The following SYNC variants were observed in gnomAD, a reference collection of about 807,000 sequenced individuals.
The protein encoded by SYNC is syncoilin.
In SYNC, 38 loss-of-function variants were observed where a neutral mutation model predicts 49.5. That is an observed-to-expected ratio of 0.77 (90% confidence interval 0.59 to 1.01). The LOEUF (loss-of-function observed/expected upper bound fraction) is 1.01. Among genes scored for constraint, SYNC ranks in the 50% least tolerant of loss-of-function variants. The pLI, the probability that SYNC is intolerant of heterozygous loss-of-function variation, is 0.00. For synonymous variants in SYNC, 201 were observed against 230.8 expected, an observed-to-expected ratio of 0.87 and a Z score of 1.17; for missense variants, 579 against 580.6, an observed-to-expected ratio of 1.00 and a Z score of 0.03.
upstream of SYNC, chr1:32,703,157 G>A (rs1353912267): frequency 6.6e-6 from 1 of 152,132 alleles, no homozygotes; most frequent in Non-Finnish European, 1.5e-5. Flanking sequence ...CCCAAGAGGG[G>A]AAGGGCCGCA....
intron 1 of SYNC, among the ~76,000 whole-genome samples, chr1:32,696,513 T>C (rs1249110931): frequency 6.6e-6 from 1 of 151,798 alleles, no homozygotes; most frequent in East Asian, 1.9e-4. Context: ...AGTGGTGCGA[T>C]CTTGGCTCAC....
chr1:32,695,315 C>T lies in SYNC; in HGVS notation c.783G>A (p.Glu261=), dbSNP rs1316864160. ...KECVAYQYQL[E]CRQQDVAQFA... ...ACTGAGCCACGTCCTGCTGGCGGCA[C>T]TCCAGCTGGTATTGGTAGGCCACAC... Residue 261 remains glutamate, a synonymous_variant, in exon 2 of 5, where the codon GAG becomes GAA. Transcript: ENST00000409190. The T allele has an allele frequency of 5.2e-6, 8 of 1,551,672 alleles. No individual in the cohort carries two copies. In the Admixed American group the frequency reaches 1.4e-4, roughly 27 times the overall value.
At chr1:32,701,834 T>C (rs1166604139) in intron 1 of SYNC, among the ~76,000 whole-genome samples, 1 of 152,184 alleles carries the variant, frequency 6.6e-6, no homozygotes, top group Non-Finnish European at 1.5e-5. Context: ...TGGGAGTCCA[T>C]GTGACATTGT....
At position 32,681,809 on chromosome 1, in the gene SYNC, G is replaced by GT; in HGVS notation, c.*40dup. ...GTACTTAGTGATCCTTTGCTAAGAA[G>GT]TTTTTTGCTGTTTCCGGGTTACAGA... is the stretch of plus-strand genomic sequence containing the variant. On this transcript the variant is annotated 3_prime_UTR_variant, in exon 5 of 5. Transcript: ENST00000409190. 1.2e-6 allele frequency: 2 copies of GT among 1,614,118 alleles called. No individual in the cohort carries two copies. The highest frequency in any genetic ancestry group is 1.7e-6 in the Non-Finnish European group (2 of 1,180,014).
intron 2 of SYNC, among the ~76,000 whole-genome samples, chr1:32,690,791 A>C (rs1650121984): frequency 6.6e-6 from 1 of 151,980 alleles, no homozygotes; most frequent in South Asian, 2.1e-4. Flanking sequence ...CTCTACCAAA[A>C]ACACGAAAAT....
In SYNC at chr1:32,680,357, G is replaced by GTT. The variant is rs372285843; in HGVS notation, c.*1491_*1492dup. ...AATGGTGTTTTTTTTTTTGTTGTTG[G>GTT]TTTTTTTTTTTTTTTTTTTAACTTG... On this transcript the variant is annotated 3_prime_UTR_variant, in exon 5 of 5. Coordinates refer to ENST00000409190, the MANE Select transcript of SYNC (RefSeq NM_030786.3). 2,850 of 982,828 alleles carry GTT rather than the reference G, an allele frequency of 2.9e-3. 3 individuals carry two copies. Among genetic ancestry groups the GTT allele is most frequent in the African/African-American group, 5.5e-3 (251 of 45,800 alleles). 60.9% of individuals were successfully genotyped at this position (982,828 alleles called of 1,614,324 possible).
chr1:32,693,271 C>T (rs554660787), intron 2 of SYNC, among the ~76,000 whole-genome samples: 1 of 151,916 alleles, frequency 6.6e-6, no homozygotes, highest in African/African-American at 2.4e-5. Context: ...TTAGTAGAGA[C>T]GGGGTTTCAC....
At chr1:32,682,392 TG>T in intron 4 of SYNC, 1 of 151,846 alleles carries the variant, frequency 6.6e-6, no homozygotes, top group Non-Finnish European at 1.5e-5. Flanking sequence ...TACTCCAGCC[TG>T]GGCAAAATAG....
chr1:32,702,509 T>C lies in SYNC; in HGVS notation c.53+99A>G. ...CCCACCCCGGCTGGACCACTACCCC[T>C]AGACAGGCGAAAGACGCCCGCGGTC... On this transcript the variant is annotated intron_variant, in intron 1 of 4. Transcript: ENST00000409190. This position sits in a 1 kb window ranked among gnomAD's most constrained non-coding sequence, Gnocchi z 6.2. 1 of 1,123,152 alleles carries C rather than the reference T, an allele frequency of 8.9e-7. No homozygotes were observed. Among genetic ancestry groups the C allele is most frequent in the Non-Finnish European group, 1.1e-6 (1 of 904,960 alleles). The allele number at this position is 1,123,152 out of a possible 1,614,324, so 69.6% of individuals were successfully genotyped here. A position where few individuals can be genotyped will look rare whatever the true frequency, so the allele number is the denominator to read the frequency against.
At chr1:32,699,795 G>A (rs1177346980) in intron 1 of SYNC, among the ~76,000 whole-genome samples, 3 of 149,126 alleles carry the variant, frequency 2.0e-5, no homozygotes, top group African/African-American at 7.5e-5. Context: ...GTGCAGTGGT[G>A]CAATCTCGGC....
At chr1:32,698,719 T>G (rs1195069084) in intron 1 of SYNC, among the ~76,000 whole-genome samples, 4 of 152,036 alleles carry the variant, frequency 2.6e-5, no homozygotes, top group Admixed American at 1.3e-4. Context: ...AGTGTTCTCT[T>G]GCTGCTTTGC....
chr1:32,702,759 A>G lies in SYNC; in HGVS notation c.-99T>C. The G allele has an allele frequency of 1.0e-6, 1 of 992,594 alleles. No individual in the cohort carries two copies. Among genetic ancestry groups the G allele is most frequent in the Non-Finnish European group, 1.2e-6 (1 of 817,962 alleles). The allele number at this position is 992,594 out of a possible 1,614,324, so 61.5% of individuals were successfully genotyped here. A position where few individuals can be genotyped will look rare whatever the true frequency, so the allele number is the denominator to read the frequency against. ...CCCGCCGCACTGCCAGCTGCAACCG[A>G]CACCGGATCCCGGCCGGCCCCGGGC... On this transcript the variant is annotated 5_prime_UTR_variant, in exon 1 of 5. Coordinates refer to ENST00000409190, the MANE Select transcript of SYNC (RefSeq NM_030786.3). The surrounding 1 kb of genome is among the most constrained non-coding windows in gnomAD (Gnocchi z 6.2).
chr1:32,697,654 C>T (rs1650491730), intron 1 of SYNC, among the ~76,000 whole-genome samples: 1 of 150,286 alleles, frequency 6.7e-6, no homozygotes, highest in Admixed American at 6.7e-5. Context: ...GGAGAATCAC[C>T]TGAGCCTGGG....
intron 2 of SYNC, among the ~76,000 whole-genome samples, chr1:32,694,463 T>C (rs1327739323): frequency 6.6e-6 from 1 of 151,498 alleles, no homozygotes; most frequent in Non-Finnish European, 1.5e-5. Context: ...ACCATCCTGG[T>C]TAACAACAGT....
intron 2 of SYNC, among the ~76,000 whole-genome samples, chr1:32,687,906 C>T (rs1649964621): frequency 7.2e-6 from 1 of 137,970 alleles, no homozygotes; most frequent in Non-Finnish European, 1.6e-5. Flanking sequence ...CTGGAGTGCG[C>T]TGGCACCATC....
chr1:32,698,201 C>G (rs536466784), intron 1 of SYNC, among the ~76,000 whole-genome samples: 1 of 124,392 alleles, frequency 8.0e-6, no homozygotes. Flanking sequence ...GGCGACAGAC[C>G]GGGACTCCAT....
chr1:32,694,919 C>CT lies in SYNC; in HGVS notation c.1178dup (p.Asp394GlyfsTer12). On this transcript the variant is annotated frameshift_variant, in exon 2 of 5. Transcript: ENST00000409190. LOFTEE classifies it high-confidence loss of function. ...TTTGCCTCACAAGTGCGATCTGGTCCTCCAGGTTCCTGTTTTGCAGGCGGA... is the reference window on the plus strand; with the variant it reads ...TTTGCCTCACAAGTGCGATCTGGTCCTTCCAGGTTCCTGTTTTGCAGGCGGA... 1 of 1,613,448 alleles carries CT rather than the reference C, an allele frequency of 6.2e-7. No individual in the cohort carries two copies. The highest frequency in any genetic ancestry group is 8.5e-7 in the Non-Finnish European group (1 of 1,179,856).
At chr1:32,696,998 T>G (rs970141904) in intron 1 of SYNC, among the ~76,000 whole-genome samples, 1 of 151,934 alleles carries the variant, frequency 6.6e-6, no homozygotes, top group African/African-American at 2.4e-5. Flanking sequence ...TCCGCCCTCT[T>G]CAGCCTCCCA....
Position 32,684,238 on chromosome 1 carries a change from G to A in SYNC, c.1358+20C>T, listed in dbSNP as rs1649654431. 2 of 1,614,130 alleles carry A rather than the reference G, an allele frequency of 1.2e-6. No individual in the cohort carries two copies. Among genetic ancestry groups the A allele is most frequent in the African/African-American group, 1.3e-5 (1 of 75,052 alleles). ...CCTCAGCCAGTATTAGATGAGATTT[G>A]TATAGCAGCAGAAACTGACTTATAA... On this transcript the variant is annotated intron_variant, in intron 3 of 4. Coordinates refer to ENST00000409190, the MANE Select transcript of SYNC (RefSeq NM_030786.3).
Sources: gnomAD v4.1 joint callset for allele counts (sites outside exome capture counted in the v4.1 genomes callset) on GRCh38, gnomAD v4.1.1 for gene constraint, Gnocchi (gnomAD v3.1) non-coding constraint, MANE v1.5 for transcripts, NCBI Gene and HGNC (gene_info 2026-07-23, HGNC 2026-07-21) for gene names.